Variants in ASPRV1 observed in about 807,000 individuals in gnomAD.
ASPRV1 encodes aspartic peptidase retroviral like 1, also known as retroviral-like aspartic protease 1.
A neutral mutation model predicts 11.0 loss-of-function variants in ASPRV1; 7 were observed. The observed-to-expected ratio is 0.64, with a 90% CI of 0.36 to 1.20. The LOEUF is 1.20. Among genes scored for constraint, ASPRV1 ranks in the 50% most tolerant of loss-of-function variants. The pLI is 0.02. For synonymous variants in ASPRV1, 136 were observed against 138.4 expected, an observed-to-expected ratio of 0.98 and a Z score of 0.12; for missense variants, 299 against 320.0, an observed-to-expected ratio of 0.93 and a Z score of 0.50.
the ASPRV1 span, among the ~76,000 whole-genome samples, chr2:69,995,013 A>T: frequency 2.3e-4 from 34 of 150,954 alleles, no homozygotes; most frequent in South Asian, 4.2e-4. Flanking sequence ...AAAAATAAAT[A>T]AATAAATTAA....
the ASPRV1 span, among the ~76,000 whole-genome samples, chr2:70,066,124 G>A: frequency 7.2e-5 from 11 of 151,922 alleles, no homozygotes; most frequent in South Asian, 2.1e-4. Context: ...CAGGACAATC[G>A]CTTGAAACTG....
the ASPRV1 span, among the ~76,000 whole-genome samples, chr2:70,060,958 G>A: frequency 1.3e-5 from 2 of 152,214 alleles, no homozygotes; most frequent in African/African-American, 4.8e-5. Context: ...CAAGTTCCCT[G>A]CCCTCACAGA....
the ASPRV1 span, chr2:70,018,212 CA>C: frequency 6.6e-6 from 1 of 150,658 alleles, no homozygotes; most frequent in Non-Finnish European, 1.5e-5. Context: ...TAAATTTAAT[CA>C]AGGAAATGAA....
At chr2:69,972,298 T>C in the ASPRV1 span, among the ~76,000 whole-genome samples, 1 of 151,640 alleles carries the variant, frequency 6.6e-6, no homozygotes, top group East Asian at 1.9e-4. Flanking sequence ...CTTGACCTCG[T>C]GATCCTCCTG....
the ASPRV1 span, among the ~76,000 whole-genome samples, chr2:69,982,428 C>A: frequency 3.8e-4 from 58 of 152,278 alleles, no homozygotes; most frequent in East Asian, 9.8e-3. Context: ...TGCACTCCAG[C>A]CTGGGTGACA....
the ASPRV1 span, chr2:70,063,811 A>C: frequency 6.6e-6 from 1 of 152,216 alleles, no homozygotes; most frequent in African/African-American, 2.4e-5. Flanking sequence ...TAAAGAGGTA[A>C]GAATGCTAAA....
the ASPRV1 span, among the ~76,000 whole-genome samples, chr2:69,948,658 T>C: frequency 2.0e-5 from 3 of 152,240 alleles, no homozygotes; most frequent in African/African-American, 7.2e-5. Flanking sequence ...TGGCTGCTCC[T>C]ACAGAGTGGA....
the ASPRV1 span, among the ~76,000 whole-genome samples, chr2:69,953,759 G>A: frequency 2.6e-5 from 4 of 151,838 alleles, no homozygotes; most frequent in Admixed American, 2.6e-4. Context: ...CCAGCCTGAA[G>A]TGCAGTGGCA....
chr2:70,057,725 C>T, the ASPRV1 span, among the ~76,000 whole-genome samples: 2 of 151,920 alleles, frequency 1.3e-5, no homozygotes, highest in Admixed American at 6.6e-5. Flanking sequence ...GTGATTCACC[C>T]GCCTCGGCCT....
the ASPRV1 span, among the ~76,000 whole-genome samples, chr2:69,985,334 C>A: frequency 2.0e-5 from 3 of 152,130 alleles, no homozygotes; most frequent in Non-Finnish European, 4.4e-5. Context: ...GGCACCTGAT[C>A]GCCACTGGTT....
the ASPRV1 span, among the ~76,000 whole-genome samples, chr2:70,047,979 T>C: frequency 8.9e-3 from 1,308 of 147,412 alleles, 24 homozygotes; most frequent in African/African-American, 0.031. Flanking sequence ...CGTGGTGGCG[T>C]GTGCCTGTAA....
the ASPRV1 span, among the ~76,000 whole-genome samples, chr2:69,984,868 T>C: frequency 1.3e-5 from 2 of 150,394 alleles, no homozygotes; most frequent in Admixed American, 1.3e-4. Context: ...CTTTTTTTTT[T>C]TTTTTTGAGG....
At chr2:69,951,461 G>T in the ASPRV1 span, among the ~76,000 whole-genome samples, 1 of 128,804 alleles carries the variant, frequency 7.8e-6, no homozygotes, top group Admixed American at 8.0e-5. Context: ...GTGTGTGTGT[G>T]TGTGTGTGTG....
At chr2:69,978,564 CCT>C in the ASPRV1 span, among the ~76,000 whole-genome samples, 1 of 152,234 alleles carries the variant, frequency 6.6e-6, no homozygotes, top group Admixed American at 6.5e-5. Context: ...TCCCGTTCAC[CCT>C]GATGATTACG....
chr2:69,961,045 G>A lies in ASPRV1; in HGVS notation c.392C>T (p.Ala131Val), dbSNP rs1678077519. ...GTTTGGGTGGACCACAGAGACCTGG[G>A]CCCCAGAGTCCACCAGGAACCTCAC... ...VPVRFLVDSGAQVSVVHPNLW... is the reference protein window; with the variant it reads ...VPVRFLVDSGVQVSVVHPNLW... Residue 131 changes from alanine (A) to valine (V), a missense_variant, in exon 1 of 1, where the codon GCC becomes GTC. Physicochemically the swap from Ala to Val is moderately conservative, Grantham distance 64. Coordinates refer to ENST00000320256, the MANE Select transcript of ASPRV1 (RefSeq NM_152792.4). 6.2e-7 allele frequency: 1 copy of A among 1,613,984 alleles called. No homozygotes were observed.
chr2:69,933,223 AAC>A, the ASPRV1 span, among the ~76,000 whole-genome samples: 11 of 141,840 alleles, frequency 7.8e-5, no homozygotes, highest in Admixed American at 1.4e-4. Context: ...AAAAAAAAAA[AAC>A]AAAAAAAGAA....
the ASPRV1 span, among the ~76,000 whole-genome samples, chr2:70,051,616 A>T: frequency 6.6e-6 from 1 of 152,198 alleles, no homozygotes; most frequent in African/African-American, 2.4e-5. Context: ...TCACTCAACA[A>T]ATATTTATTA....
chr2:70,050,353 C>T, the ASPRV1 span: 2 of 151,692 alleles, frequency 1.3e-5, no homozygotes, highest in African/African-American at 4.8e-5. Context: ...AAAATAAATA[C>T]CAGATGGATC....
chr2:69,978,315 C>T, the ASPRV1 span, among the ~76,000 whole-genome samples: 22,549 of 152,170 alleles, frequency 0.15, 2,521 homozygotes, highest in East Asian at 0.3. Flanking sequence ...TGGTTCTGAG[C>T]GTGGTCACAC....
Sources: allele counts gnomAD v4.1 joint callset (sites outside exome capture counted in the v4.1 genomes callset), GRCh38; gene constraint gnomAD v4.1.1; transcripts MANE v1.5; gene names NCBI Gene and HGNC (gene_info 2026-07-23, HGNC 2026-07-21).